MTUS2: variants seen among roughly 807,000 people sequenced by gnomAD.
MTUS2 encodes microtubule-associated tumor suppressor candidate 2.
MTUS2 carries 40 observed loss-of-function variants against 114.1 expected under a neutral mutation model. The observed-to-expected ratio is 0.35, with a 90% CI of 0.27 to 0.46. MTUS2 has a LOEUF of 0.46. MTUS2 is among the 20% of genes least tolerant of loss of function. The pLI is 1.00. For synonymous variants in MTUS2, 688 were observed against 672.0 expected (o/e 1.02, Z -0.37); for missense variants, 1,679 against 1,705.4 (o/e 0.98, Z 0.27).
rs371253593 is a variant in MTUS2 at position 29,342,608 on chromosome 13, C to T, written c.2906-16654C>T. ...ATACCATTATGTCATTGGTGAACAG[C>T]GACAGTTTGACTTTCTCTTTACTGA... On this transcript the variant is annotated intron_variant, in intron 7 of 15. Transcript: ENST00000612955. 7.2e-5 allele frequency among the ~76,000 whole-genome samples: 11 copies of T among 152,076 alleles called. No homozygotes were observed. In the South Asian group the frequency reaches 1.0e-3, roughly 14 times the overall value.
chr13:29,274,324 A>T (rs886096240), intron 5 of MTUS2, among the ~76,000 whole-genome samples: 2 of 152,022 alleles, frequency 1.3e-5, no homozygotes, highest in Admixed American at 1.3e-4. Context: ...GTTAGTCAGG[A>T]TGGTCTCGAT....
At chr13:29,193,868 A>G (rs1894552724) in intron 5 of MTUS2, among the ~76,000 whole-genome samples, 1 of 152,210 alleles carries the variant, frequency 6.6e-6, no homozygotes, top group Non-Finnish European at 1.5e-5. Flanking sequence ...AATAACCAAA[A>G]CAGCATGGTA....
At chr13:29,490,747 A>G (rs982133267) in intron 11 of MTUS2, among the ~76,000 whole-genome samples, 2 of 152,276 alleles carry the variant, frequency 1.3e-5, no homozygotes, top group Non-Finnish European at 2.9e-5. Flanking sequence ...CACAGCACTG[A>G]GCCTGGCTGG....
chr13:29,159,171 T>C (rs1474352747), intron 5 of MTUS2, among the ~76,000 whole-genome samples: 2 of 152,248 alleles, frequency 1.3e-5, no homozygotes, highest in African/African-American at 4.8e-5. Flanking sequence ...GTTATGTGTA[T>C]GTATGTGTGC....
At chr13:29,009,480 C>T (rs2138415368) in intron 2 of MTUS2, among the ~76,000 whole-genome samples, 1 of 152,080 alleles carries the variant, frequency 6.6e-6, no homozygotes, top group Non-Finnish European at 1.5e-5. Flanking sequence ...TGAAAGGCTG[C>T]TTGTTGTTTG....
At position 29,498,557 on chromosome 13, in the gene MTUS2, C is replaced by A; in HGVS notation, c.3798+20C>A. Reference sequence around the variant, plus strand: ...AAGCTGGTGAGTTGGTCTGTTTGCTCGGGAGAGTAACCTCCATGACATTCC... The same window carrying A: ...AAGCTGGTGAGTTGGTCTGTTTGCTAGGGAGAGTAACCTCCATGACATTCC... On this transcript the variant is annotated intron_variant, in intron 14 of 15. Transcript: ENST00000612955. 1.2e-6 allele frequency: 2 copies of A among 1,613,502 alleles called. No homozygotes were observed. Among genetic ancestry groups the A allele is most frequent in the South Asian group, 2.2e-5 (2 of 90,936 alleles).
intron 8 of MTUS2, among the ~76,000 whole-genome samples, chr13:29,436,996 A>T (rs1294713685): frequency 6.6e-6 from 1 of 152,148 alleles, no homozygotes; most frequent in Non-Finnish European, 1.5e-5. Flanking sequence ...CGCCATACCG[A>T]AGAGGCCTGT....
chr13:28,873,873 T>C (rs1877771597), intron 2 of MTUS2, among the ~76,000 whole-genome samples: 1 of 152,220 alleles, frequency 6.6e-6, no homozygotes, highest in Non-Finnish European at 1.5e-5. Flanking sequence ...TCTTTTATAA[T>C]CCTGTAAAAG....
At chr13:29,326,354 C>A (rs1321498261) in intron 7 of MTUS2, among the ~76,000 whole-genome samples, 1 of 152,096 alleles carries the variant, frequency 6.6e-6, no homozygotes, top group Non-Finnish European at 1.5e-5. Context: ...ATCACACACA[C>A]AAGGAAACAA....
At chr13:29,231,238 C>G (rs145273549) in intron 5 of MTUS2, among the ~76,000 whole-genome samples, 1 of 152,134 alleles carries the variant, frequency 6.6e-6, no homozygotes, top group Non-Finnish European at 1.5e-5. Context: ...TTTTATAGCA[C>G]GTATGAAATT....
chr13:29,037,255 C>A (rs1289617287), intron 4 of MTUS2, among the ~76,000 whole-genome samples: 2 of 152,192 alleles, frequency 1.3e-5, no homozygotes, highest in Non-Finnish European at 2.9e-5. Flanking sequence ...GATTTTATTT[C>A]TCCTTCGCTT....
intron 10 of MTUS2, among the ~76,000 whole-genome samples, chr13:29,486,399 T>C (rs1881619712): frequency 6.6e-6 from 1 of 152,208 alleles, no homozygotes; most frequent in Non-Finnish European, 1.5e-5. Context: ...AAAACAAATA[T>C]ATCCTCACGT....
At chr13:29,083,416 G>A (rs1289398118) in intron 4 of MTUS2, among the ~76,000 whole-genome samples, 1 of 152,204 alleles carries the variant, frequency 6.6e-6, no homozygotes, top group South Asian at 2.1e-4. Flanking sequence ...TACCCTGTGG[G>A]TGGCCACCAG....
chr13:29,433,914 G>C (rs533969070), intron 8 of MTUS2, among the ~76,000 whole-genome samples: 98 of 152,248 alleles, frequency 6.4e-4, no homozygotes, highest in Non-Finnish European at 1.2e-3. Flanking sequence ...AAGATCTGGA[G>C]GTTTCATCAA....
Position 29,492,725 on chromosome 13 carries a change from T to TA in MTUS2, c.3579+7dup. 6.2e-7 allele frequency: 1 copy of TA among 1,608,992 alleles called. No homozygotes were observed. The highest frequency in any genetic ancestry group is 8.5e-7 in the Non-Finnish European group (1 of 1,175,692). On this transcript the variant is annotated splice_region_variant and intron_variant, in intron 12 of 15. Coordinates refer to ENST00000612955, the MANE Select transcript of MTUS2 (RefSeq NM_001033602.4). ...AACTGCGGCTGTCATTGCAGGTTAG[T>TA]ATTTCTTTAATTTTCTTACCTGGTA...
intron 8 of MTUS2, among the ~76,000 whole-genome samples, chr13:29,389,567 GTA>G (rs1566173603): frequency 2.0e-5 from 1 of 49,482 alleles, no homozygotes; most frequent in African/African-American, 7.0e-5. Context: ...GTGTATATGT[GTA>G]CATATGTGTG....
At chr13:29,051,139 A>T (rs754852894) in intron 4 of MTUS2, among the ~76,000 whole-genome samples, 9 of 152,186 alleles carry the variant, frequency 5.9e-5, no homozygotes, top group Non-Finnish European at 1.0e-4. Context: ...GAGCTGTTAG[A>T]GTTTACAGAT....
intron 9 of MTUS2, among the ~76,000 whole-genome samples, chr13:29,449,845 G>A (rs1224488927): frequency 6.6e-6 from 1 of 152,182 alleles, no homozygotes; most frequent in Non-Finnish European, 1.5e-5. Flanking sequence ...TATCCATTAG[G>A]ATTGGGTTCA....
chr13:29,246,145 A>T (rs1345075505), intron 5 of MTUS2, among the ~76,000 whole-genome samples: 8 of 152,250 alleles, frequency 5.3e-5, no homozygotes, highest in African/African-American at 1.9e-4. Flanking sequence ...AGTAAATAAT[A>T]GCAGAAGTGG....
Sources: allele counts gnomAD v4.1 joint callset (sites outside exome capture counted in the v4.1 genomes callset), GRCh38; gene constraint gnomAD v4.1.1; transcripts MANE v1.5; gene names NCBI Gene and HGNC (gene_info 2026-07-23, HGNC 2026-07-21).